The following HACD2 variants were observed in gnomAD, a reference collection of about 807,000 sequenced individuals.
The protein encoded by HACD2 is 3-hydroxyacyl-CoA dehydratase 2.
Under a neutral mutation model 31.0 loss-of-function variants are expected in HACD2, and 15 were observed. That is an observed-to-expected ratio of 0.48 (90% confidence interval 0.32 to 0.75). HACD2 has a LOEUF of 0.75. Among genes scored for constraint, HACD2 ranks in the 30% least tolerant of loss-of-function variants. HACD2 has a pLI of 0.03. For synonymous variants in HACD2, 115 were observed against 122.2 expected (o/e 0.94, Z 0.39); for missense variants, 283 against 313.0 (o/e 0.90, Z 0.72).
intron 2 of HACD2, among the ~76,000 whole-genome samples, chr3:123,569,873 C>T (rs908549505): frequency 5.3e-5 from 8 of 151,840 alleles, no homozygotes; most frequent in East Asian, 2.0e-4. Flanking sequence ...CCTGTAGTCT[C>T]GGCTACTCAG....
At chr3:123,547,343 A>G (rs546569267) in intron 3 of HACD2, among the ~76,000 whole-genome samples, 2 of 152,208 alleles carry the variant, frequency 1.3e-5, no homozygotes, top group Non-Finnish European at 2.9e-5. Flanking sequence ...AAGAGCTAGG[A>G]CATATGTATT....
chr3:123,494,761 T>A lies in HACD2; in HGVS notation c.*127A>T. The A allele has an allele frequency of 1.4e-6, 1 of 716,070 alleles. No homozygotes were observed. The highest frequency in any genetic ancestry group is 1.7e-5 in the South Asian group (1 of 59,364). The allele number at this position is 716,070 out of a possible 1,614,324, so 44.4% of individuals were successfully genotyped here. On this transcript the variant is annotated 3_prime_UTR_variant, in exon 7 of 7. Coordinates refer to ENST00000383657, the MANE Select transcript of HACD2 (RefSeq NM_198402.5). The stretch of plus-strand genomic sequence containing the variant: ...ATGTGACACTGGATTTTTGTTTTAG[T>A]TTTGTTTGAATATTTTAAAAATAGT...
intron 3 of HACD2, among the ~76,000 whole-genome samples, chr3:123,562,608 G>A (rs150320084): frequency 6.6e-6 from 1 of 152,252 alleles, no homozygotes; most frequent in East Asian, 1.9e-4. Context: ...CAGATATTGT[G>A]CTGAGTGTTC....
chr3:123,573,691 T>TC (rs1433850579), intron 2 of HACD2, among the ~76,000 whole-genome samples: 1 of 152,170 alleles, frequency 6.6e-6, no homozygotes, highest in African/African-American at 2.4e-5. Context: ...GAGTTACTGC[T>TC]CAATGTTCAG....
chr3:123,512,661 A>G, intron 4 of HACD2, among the ~76,000 whole-genome samples: 1 of 152,210 alleles, frequency 6.6e-6, no homozygotes, highest in East Asian at 1.9e-4. Flanking sequence ...TCAATATATT[A>G]AGGAAAATGG....
chr3:123,509,406 T>G (rs2056021412), intron 4 of HACD2, among the ~76,000 whole-genome samples: 1 of 151,402 alleles, frequency 6.6e-6, no homozygotes, highest in Non-Finnish European at 1.5e-5. Context: ...AGAAAAAAAG[T>G]AAAAACTATT....
At chr3:123,505,637 C>A (rs1326156978) in intron 4 of HACD2, among the ~76,000 whole-genome samples, 1 of 152,144 alleles carries the variant, frequency 6.6e-6, no homozygotes, top group East Asian at 1.9e-4. Flanking sequence ...AAACAACACT[C>A]CAGGATTCAG....
intron 4 of HACD2, among the ~76,000 whole-genome samples, chr3:123,507,785 A>T (rs2055996864): frequency 6.6e-6 from 1 of 152,216 alleles, no homozygotes; most frequent in South Asian, 2.1e-4. Flanking sequence ...TGGGTGATGG[A>T]AATGTTCTAA....
Position 123,492,927 on chromosome 3 carries a change from T to C in HACD2, c.*1961A>G, listed in dbSNP as rs1274557306. The C allele has an allele frequency of 6.6e-6, 1 of 152,230 alleles. No homozygotes were observed. The highest frequency in any genetic ancestry group is 1.5e-5 in the Non-Finnish European group (1 of 68,044). 9.4% of individuals were successfully genotyped at this position (152,230 alleles called of 1,614,324 possible). A position where few individuals can be genotyped will look rare whatever the true frequency, so the allele number is the denominator to read the frequency against. ...TTTGTCTATCAAATACAAGAATAGA[T>C]TCTAATTTCAACATGTCCAAGTTGA... On this transcript the variant is annotated 3_prime_UTR_variant, in exon 7 of 7. Coordinates refer to ENST00000383657, the MANE Select transcript of HACD2 (RefSeq NM_198402.5).
intron 6 of HACD2, among the ~76,000 whole-genome samples, chr3:123,498,461 G>A (rs76242799): frequency 0.029 from 4,382 of 152,284 alleles, 209 homozygotes; most frequent in African/African-American, 0.1. Flanking sequence ...ACAGCAGGAG[G>A]TGAGTGGTGG....
At chr3:123,507,720 AC>A (rs1176538399) in intron 4 of HACD2, among the ~76,000 whole-genome samples, 2 of 152,180 alleles carry the variant, frequency 1.3e-5, no homozygotes, top group Non-Finnish European at 2.9e-5. Context: ...CTATGTACCC[AC>A]AAAAATTTTA....
intron 2 of HACD2, among the ~76,000 whole-genome samples, chr3:123,577,378 TTGGGAGGCCGAG>T (rs1406078949): frequency 6.6e-6 from 1 of 151,984 alleles, no homozygotes; most frequent in East Asian, 1.9e-4. Context: ...TCCCAGCAAT[TTGGGAGGCCGAG>T]GCTGGCGGAT....
chr3:123,560,810 A>G, intron 3 of HACD2, among the ~76,000 whole-genome samples: 1 of 152,122 alleles, frequency 6.6e-6, no homozygotes, highest in Admixed American at 6.5e-5. Context: ...GGTAAGGTTC[A>G]TTTTTAAAAT....
At chr3:123,550,052 T>A (rs1194882688) in intron 3 of HACD2, among the ~76,000 whole-genome samples, 3 of 152,178 alleles carry the variant, frequency 2.0e-5, no homozygotes, top group Non-Finnish European at 2.9e-5. Context: ...CTCACATCTA[T>A]AATCCCAACA....
At chr3:123,569,904 G>A (rs752713707) in intron 2 of HACD2, among the ~76,000 whole-genome samples, 2 of 146,604 alleles carry the variant, frequency 1.4e-5, no homozygotes, top group Non-Finnish European at 3.0e-5. Flanking sequence ...CAGGAGAATC[G>A]CTTGAACCCA....
At chr3:123,495,456 C>T (rs1039477389) in intron 6 of HACD2, among the ~76,000 whole-genome samples, 3 of 152,116 alleles carry the variant, frequency 2.0e-5, no homozygotes, top group African/African-American at 7.2e-5. Flanking sequence ...TGACCCTCAG[C>T]CTAGCCCCAT....
chr3:123,558,962 T>G (rs2056699565), intron 3 of HACD2, among the ~76,000 whole-genome samples: 1 of 152,172 alleles, frequency 6.6e-6, no homozygotes, highest in Non-Finnish European at 1.5e-5. Flanking sequence ...ATCAAGCAAA[T>G]CAAACTCATG....
chr3:123,574,824 T>A (rs1256433330), intron 2 of HACD2, among the ~76,000 whole-genome samples: 1 of 152,190 alleles, frequency 6.6e-6, no homozygotes, highest in Non-Finnish European at 1.5e-5. Flanking sequence ...CCTTTTTCAG[T>A]ATCTGCAATT....
At chr3:123,511,662 T>G (rs1447131797) in intron 4 of HACD2, among the ~76,000 whole-genome samples, 1 of 152,180 alleles carries the variant, frequency 6.6e-6, no homozygotes, top group Non-Finnish European at 1.5e-5. Context: ...ATGAAATGAC[T>G]TCTAGTTGTG....
Sources: gnomAD v4.1 joint callset for allele counts (sites outside exome capture counted in the v4.1 genomes callset) on GRCh38, gnomAD v4.1.1 for gene constraint, MANE v1.5 for transcripts, NCBI Gene and HGNC (gene_info 2026-07-23, HGNC 2026-07-21) for gene names.